Variants in EEFSEC observed in about 807,000 individuals in gnomAD.
EEFSEC encodes selenocysteine-specific elongation factor.
In EEFSEC, 43 loss-of-function variants were observed where a neutral mutation model predicts 42.1. The observed-to-expected ratio is 1.02, with a 90% CI of 0.80 to 1.32. The LOEUF is 1.32. EEFSEC is among the 40% of genes most tolerant of loss of function. The pLI is 0.00. For synonymous variants in EEFSEC, 354 were observed against 339.1 expected (o/e 1.04, Z -0.48); for missense variants, 745 against 803.6 (o/e 0.93, Z 0.88).
chr3:128,422,039 T>C, the EEFSEC span, among the ~76,000 whole-genome samples: 1 of 152,126 alleles, frequency 6.6e-6, no homozygotes, highest in African/African-American at 2.4e-5. Context: ...AAGACCAAGT[T>C]GCCCAGCACG....
chr3:128,271,842 CT>C (rs1162511853), intron 4 of EEFSEC, among the ~76,000 whole-genome samples: 1 of 152,180 alleles, frequency 6.6e-6, no homozygotes, highest in African/African-American at 2.4e-5. Flanking sequence ...TCCTGCTCAT[CT>C]GTCTGTGGGT....
intron 1 of EEFSEC, among the ~76,000 whole-genome samples, chr3:128,163,803 C>T (rs1345599272): frequency 6.6e-6 from 1 of 152,060 alleles, no homozygotes; most frequent in Non-Finnish European, 1.5e-5. Flanking sequence ...AATATGTGGC[C>T]TTTTTGTCTG....
At chr3:128,330,114 G>T (rs1021484119) in intron 4 of EEFSEC, among the ~76,000 whole-genome samples, 2 of 152,242 alleles carry the variant, frequency 1.3e-5, no homozygotes, top group Non-Finnish European at 1.5e-5. Flanking sequence ...CAGCATTGCT[G>T]TAATTCATTT....
At chr3:128,424,388 G>C in the EEFSEC span, among the ~76,000 whole-genome samples, 2 of 152,162 alleles carry the variant, frequency 1.3e-5, no homozygotes, top group African/African-American at 4.8e-5. Flanking sequence ...GTTTTGTTTT[G>C]TTTTGCTTTG....
intron 4 of EEFSEC, among the ~76,000 whole-genome samples, chr3:128,316,441 C>T (rs1243744159): frequency 6.6e-6 from 1 of 152,230 alleles, no homozygotes; most frequent in Admixed American, 6.5e-5. Context: ...CTCCCCCTCT[C>T]TTCACTCACT....
At chr3:128,389,167 G>A (rs573227517) in intron 6 of EEFSEC, among the ~76,000 whole-genome samples, 1 of 152,232 alleles carries the variant, frequency 6.6e-6, no homozygotes, top group Non-Finnish European at 1.5e-5. Flanking sequence ...CTGCAGCGAG[G>A]CATCTTAACC....
chr3:128,154,903 G>A (rs1944346814), intron 1 of EEFSEC, among the ~76,000 whole-genome samples: 1 of 152,176 alleles, frequency 6.6e-6, no homozygotes, highest in Non-Finnish European at 1.5e-5. Context: ...GGGGCAAGGG[G>A]CATGTGTGTT....
intron 4 of EEFSEC, among the ~76,000 whole-genome samples, chr3:128,285,260 T>C (rs1399724289): frequency 6.6e-6 from 1 of 152,044 alleles, no homozygotes. Context: ...AAACCATGTG[T>C]GGGGAAGAAG....
chr3:128,419,235 G>A, the EEFSEC span, among the ~76,000 whole-genome samples: 14 of 152,054 alleles, frequency 9.2e-5, no homozygotes, highest in Non-Finnish European at 1.2e-4. Context: ...GGCTGCTGGT[G>A]GCAGTCCTGC....
the EEFSEC span, among the ~76,000 whole-genome samples, chr3:128,414,828 C>A: frequency 7.9e-5 from 12 of 152,152 alleles, no homozygotes; most frequent in Non-Finnish European, 1.5e-4. Flanking sequence ...AGACGCCATG[C>A]CCAGGCTCGG....
At chr3:128,330,523 A>G (rs961572381) in intron 4 of EEFSEC, among the ~76,000 whole-genome samples, 3 of 152,142 alleles carry the variant, frequency 2.0e-5, no homozygotes, top group Admixed American at 6.5e-5. Flanking sequence ...GAGACTCAGA[A>G]CAGGTTTTGT....
chr3:128,380,848 G>A (rs551102052), intron 6 of EEFSEC, among the ~76,000 whole-genome samples: 1 of 152,364 alleles, frequency 6.6e-6, no homozygotes, highest in Non-Finnish European at 1.5e-5. Flanking sequence ...GCTGGGACAT[G>A]TGCACCTGTG....
At chr3:128,256,034 T>C (rs1337456309) in intron 2 of EEFSEC, among the ~76,000 whole-genome samples, 1 of 152,126 alleles carries the variant, frequency 6.6e-6, no homozygotes, top group African/African-American at 2.4e-5. Flanking sequence ...GGCAGTATTA[T>C]TCAGAGTGAG....
chr3:128,396,006 G>A (rs1028917567), intron 6 of EEFSEC, among the ~76,000 whole-genome samples: 2 of 152,334 alleles, frequency 1.3e-5, no homozygotes, highest in East Asian at 1.9e-4. Context: ...GGCTCTGACA[G>A]CACCACTGTC....
chr3:128,154,052 C>A, intron 1 of EEFSEC: 1 of 415,738 alleles, frequency 2.4e-6, no homozygotes, highest in Non-Finnish European at 4.0e-6. Context: ...TGCAAGGCGC[C>A]TTCCTTAAAA....
chr3:128,176,014 G>A lies in EEFSEC; in HGVS notation c.316+22191G>A, dbSNP rs777322204. On this transcript the variant is annotated intron_variant, in intron 1 of 6. Transcript: ENST00000254730. ...GGAGAATAAACTTACAAGTGTTTTC[G>A]TGTGTGTGAGAATCCAATGAGATAA... Among the ~76,000 whole-genome samples the A allele has an allele frequency of 5.3e-5, 8 of 152,284 alleles. No homozygotes were observed. The South Asian group carries it at 6.2e-4, about 12-fold the overall frequency.
At chr3:128,217,427 C>G (rs965917090) in intron 1 of EEFSEC, among the ~76,000 whole-genome samples, 3 of 152,130 alleles carry the variant, frequency 2.0e-5, no homozygotes, top group Non-Finnish European at 2.9e-5. Context: ...CCTGTTCATT[C>G]ACCTTAGGCT....
chr3:128,372,412 A>G (rs1213637324), intron 6 of EEFSEC, among the ~76,000 whole-genome samples: 1 of 152,120 alleles, frequency 6.6e-6, no homozygotes, highest in Non-Finnish European at 1.5e-5. Flanking sequence ...CTTTAAATAC[A>G]TGTGCCAGCA....
intron 1 of EEFSEC, among the ~76,000 whole-genome samples, chr3:128,158,025 A>G (rs1944409358): frequency 6.6e-6 from 1 of 152,248 alleles, no homozygotes; most frequent in South Asian, 2.1e-4. Flanking sequence ...AAATATCAAC[A>G]GTAACAATAA....
Sources: gnomAD v4.1 joint callset for allele counts (sites outside exome capture counted in the v4.1 genomes callset) on GRCh38, gnomAD v4.1.1 for gene constraint, MANE v1.5 for transcripts, NCBI Gene and HGNC (gene_info 2026-07-23, HGNC 2026-07-21) for gene names.